NPM1: variants seen among roughly 807,000 people sequenced by gnomAD.
NPM1 encodes the protein nucleophosmin 1, also known as nucleophosmin.
NPM1 carries 1 observed loss-of-function variant against 44.1 expected under a neutral mutation model. That is an observed-to-expected ratio of 0.02 (90% CI 0.01 to 0.11). The LOEUF is 0.11. Among genes scored for constraint, NPM1 ranks in the 10% least tolerant of loss-of-function variants. The probability of loss-of-function intolerance (pLI) is 1.00; values close to 1 mark genes in which losing one functional copy is unlikely to be tolerated. For missense variants in NPM1, 197 were observed against 347.8 expected, an observed-to-expected ratio of 0.57 and a Z score of 3.45; for synonymous variants, 126 against 111.8, an observed-to-expected ratio of 1.13 and a Z score of -0.80.
At chr5:171,392,855 C>T (rs1328565686) in intron 5 of NPM1, 39 bp downstream of exon 5, 1 of 1,612,776 alleles carries the variant, frequency 6.2e-7, no homozygotes, top group East Asian at 2.2e-5. Flanking sequence ...TGTATTATAG[C>T]TTTTAGTTTG....
chr5:171,393,772 C>A lies in NPM1; in HGVS notation c.524+794C>A, dbSNP rs374805605. On this transcript the variant is annotated intron_variant, in intron 6 of 10. Coordinates refer to ENST00000296930, the MANE Select transcript of NPM1 (RefSeq NM_002520.7). ...TTTAGGTTTTAAGCTGGTGGTTCTT[C>A]AAAATCTTTGAGCATGACGATGAAG... Among the ~76,000 whole-genome samples the A allele has an allele frequency of 5.5e-4, 83 of 152,230 alleles. 4 individuals carry two copies. In the South Asian group the frequency reaches 0.017, roughly 31 times the overall value.
intron 6 of NPM1, among the ~76,000 whole-genome samples, chr5:171,394,041 C>CTTTTCTT (rs1561866677): frequency 1.0e-5 from 1 of 97,080 alleles, no homozygotes. Flanking sequence ...TTTTTGTTTT[C>CTTTTCTT]TTTTTTTTTT....
At chr5:171,396,363 T>G (rs1377188870) in intron 6 of NPM1, among the ~76,000 whole-genome samples, 1 of 152,166 alleles carries the variant, frequency 6.6e-6, no homozygotes, top group Non-Finnish European at 1.5e-5. Context: ...GAAAAAATGT[T>G]TAAAAAAAGC....
chr5:171,398,269 C>T (rs531147194), intron 6 of NPM1, among the ~76,000 whole-genome samples: 65 of 152,296 alleles, frequency 4.3e-4, no homozygotes, highest in Admixed American at 3.9e-3. Context: ...CCTAAGAAAT[C>T]ATTGCTAAAT....
rs1056444356 is a variant in NPM1, at chr5:171,401,035, G to A, written c.669+110G>A. On this transcript the variant is annotated intron_variant, in intron 8 of 10. Coordinates refer to ENST00000296930, the MANE Select transcript of NPM1 (RefSeq NM_002520.7). ...TTTGATAGGCCTTTATAGAACCCCTGTAATTGCTGTTTAAAAGTTAAAATC... is the reference window on the plus strand; with the variant it reads ...TTTGATAGGCCTTTATAGAACCCCTATAATTGCTGTTTAAAAGTTAAAATC... 11 of 732,898 alleles carry A rather than the reference G, an allele frequency of 1.5e-5. No individual in the cohort carries two copies. The Admixed American group carries it at 2.4e-4, about 16-fold the overall frequency. The allele number at this position is 732,898 out of a possible 1,614,324, so 45.4% of individuals were successfully genotyped here.
intron 9 of NPM1, chr5:171,405,743 G>A (rs1000776886): frequency 1.2e-5 from 3 of 246,802 alleles, no homozygotes; most frequent in South Asian, 5.5e-5. Context: ...AACAGAGGGC[G>A]TATGAGACTT....
At position 171,388,899 on chromosome 5, in the gene NPM1, C is replaced by A. The variant is rs564774890; in HGVS notation, c.58+893C>A. On this transcript the variant is annotated intron_variant, in intron 1 of 10. Coordinates refer to ENST00000296930, the MANE Select transcript of NPM1 (RefSeq NM_002520.7). ...TAGTAAAGGCAATAAGAGACTAAAT[C>A]TAAACCAAGACGCTTGACTCCGTAG... Among the ~76,000 whole-genome samples the A allele has an allele frequency of 6.6e-5, 10 of 152,326 alleles. No individual in the cohort carries two copies. The South Asian group carries it at 2.1e-3, about 32-fold the overall frequency.
chr5:171,409,841 G>GT (rs70982333), intron 10 of NPM1, among the ~76,000 whole-genome samples: 152,148 of 152,152 alleles, frequency 1, 76,072 homozygotes, highest in Non-Finnish European at 1. Flanking sequence ...TTTTGTTTTG[G>GT]TACCCATCTG....
At position 171,398,797 on chromosome 5, in the gene NPM1, G is replaced by T. The variant is rs979152649; in HGVS notation, c.525-1356G>T. Among the ~76,000 whole-genome samples the T allele has an allele frequency of 1.2e-4, 19 of 152,232 alleles. 1 individual carries two copies. The East Asian group carries it at 1.9e-3, about 15-fold the overall frequency. On this transcript the variant is annotated intron_variant, in intron 6 of 10. Transcript: ENST00000296930. ...AAAAACAAAAAAATCACTGTTTCTG[G>T]ACTGTTCTGTTGATGTGTCTATCCT...
At position 171,400,133 on chromosome 5, in the gene NPM1, T is replaced by G. The variant is rs1771115839; in HGVS notation, c.525-20T>G. On this transcript the variant is annotated intron_variant, in intron 6 of 10. Coordinates refer to ENST00000296930, the MANE Select transcript of NPM1 (RefSeq NM_002520.7). ...TCCCAAATTTTGAAAGTGCTTAATG[T>G]CTTGACATTTCATTTGTAGTGATGA... The G allele has an allele frequency of 4.2e-6, 6 of 1,432,668 alleles. No individual in the cohort carries two copies. The African/African-American group carries it at 5.6e-5, about 13-fold the overall frequency. 88.7% of individuals were successfully genotyped at this position (1,432,668 alleles called of 1,614,324 possible).
At chr5:171,394,793 G>A (rs1770793008) in intron 6 of NPM1, among the ~76,000 whole-genome samples, 1 of 152,154 alleles carries the variant, frequency 6.6e-6, no homozygotes, top group Admixed American at 6.6e-5. Flanking sequence ...CGAGGCTCGG[G>A]GACAAGCAAT....
intron 8 of NPM1, among the ~76,000 whole-genome samples, chr5:171,402,396 ACT>A (rs1276105167): frequency 2.0e-5 from 3 of 149,588 alleles, no homozygotes; most frequent in East Asian, 2.0e-4. Context: ...ATGCTTACAC[ACT>A]CTTGGTGGGA....
intron 6 of NPM1, among the ~76,000 whole-genome samples, chr5:171,397,898 A>G (rs889742496): frequency 2.7e-5 from 4 of 149,836 alleles, no homozygotes; most frequent in African/African-American, 4.9e-5. Flanking sequence ...TGTTCAAGCA[A>G]TTCTTCTGCC....
Position 171,392,312 on chromosome 5 carries a change from A to G in NPM1, c.353-398A>G, listed in dbSNP as rs557362599. Reference sequence around the variant, plus strand: ...TGCAGTGATGTGATCATAGCTTGCTATATCCTCGAACTGCTACTGGGTTCA... The same window carrying G: ...TGCAGTGATGTGATCATAGCTTGCTGTATCCTCGAACTGCTACTGGGTTCA... On this transcript the variant is annotated intron_variant, in intron 4 of 10. Coordinates refer to ENST00000296930, the MANE Select transcript of NPM1 (RefSeq NM_002520.7). 1.6e-4 allele frequency among the ~76,000 whole-genome samples: 25 copies of G among 152,258 alleles called. No individual in the cohort carries two copies. In the South Asian group the frequency reaches 4.6e-3, roughly 28 times the overall value.
intron 1 of NPM1, 127 bp downstream of exon 1, chr5:171,388,133 C>A: frequency 1.2e-6 from 1 of 858,306 alleles, no homozygotes. Flanking sequence ...GAGGCCTGAG[C>A]GGGTGGGAAG....
rs1235082284 is a variant in NPM1 at position 171,404,276 on chromosome 5, G to A, written c.670-1026G>A. ...CTCCCGGACGGGGTGGCTGCTGGGC[G>A]GAGATGCTCCTCACTTCCCAGATGG... On this transcript the variant is annotated intron_variant, in intron 8 of 10. Transcript: ENST00000296930. Among the ~76,000 whole-genome samples the A allele has an allele frequency of 1.2e-4, 13 of 104,374 alleles. 3 individuals are homozygous for A. Among genetic ancestry groups the A allele is most frequent in the Non-Finnish European group, 2.2e-4 (11 of 50,038 alleles). The allele number at this position is 104,374 out of a possible 152,430, so 68.5% of individuals were successfully genotyped here. A position where few individuals can be genotyped will look rare whatever the true frequency, so the allele number is the denominator to read the frequency against.
At chr5:171,400,318 CTCATACTGAAAAT>C in intron 7 of NPM1, 108 bp downstream of exon 7, 7 of 1,259,740 alleles carry the variant, frequency 5.6e-6, no homozygotes, top group Non-Finnish European at 6.7e-6. Context: ...GGGAGATCAT[CTCATACTGAAAAT>C]TAGTCCTGAG....
chr5:171,389,452 T>C (rs1448407784), intron 1 of NPM1, among the ~76,000 whole-genome samples: 1 of 152,238 alleles, frequency 6.6e-6, no homozygotes, highest in East Asian at 1.9e-4. Context: ...AGCTGAGAAT[T>C]CTGGTAAATT....
At chr5:171,396,350 T>C (rs1226715856) in intron 6 of NPM1, among the ~76,000 whole-genome samples, 1 of 152,130 alleles carries the variant, frequency 6.6e-6, no homozygotes, top group East Asian at 1.9e-4. Flanking sequence ...TTTTAACAAA[T>C]AAGAAAAAAT....
Sources: allele counts gnomAD v4.1 joint callset (sites outside exome capture counted in the v4.1 genomes callset), GRCh38; gene constraint gnomAD v4.1.1; transcripts MANE v1.5; gene names NCBI Gene and HGNC (gene_info 2026-07-23, HGNC 2026-07-21).